Variants in SLC28A3 observed in about 807,000 individuals in gnomAD.
SLC28A3 encodes the protein solute carrier family 28 member 3.
SLC28A3 carries 68 observed loss-of-function variants against 84.2 expected under a neutral mutation model. That is an observed-to-expected ratio of 0.81 (90% CI 0.66 to 0.99). SLC28A3 has a LOEUF of 0.99. Among genes scored for constraint, SLC28A3 ranks in the 50% least tolerant of loss-of-function variants. The probability of loss-of-function intolerance (pLI) is 0.00; values close to 1 mark genes in which losing one functional copy is unlikely to be tolerated. For missense variants in SLC28A3, 712 were observed against 841.5 expected (o/e 0.85, Z 1.90); for synonymous variants, 267 against 303.6 (o/e 0.88, Z 1.25).
the SLC28A3 span, among the ~76,000 whole-genome samples, chr9:84,366,337 G>T: frequency 6.6e-6 from 1 of 151,992 alleles, no homozygotes; most frequent in African/African-American, 2.4e-5. Context: ...CAGCTATTTT[G>T]ATTTTTCTGT....
chr9:84,326,045 G>A (rs1013208622), intron 1 of SLC28A3, among the ~76,000 whole-genome samples: 66 of 152,132 alleles, frequency 4.3e-4, no homozygotes, highest in African/African-American at 1.5e-3. Flanking sequence ...GGCTTTGAGT[G>A]GAAATCGTGT....
chr9:84,318,011 T>C (rs532329225), intron 1 of SLC28A3, among the ~76,000 whole-genome samples: 1 of 152,346 alleles, frequency 6.6e-6, no homozygotes, highest in East Asian at 1.9e-4. Context: ...TCTCTAAATG[T>C]TATTCTTCGA....
intron 10 of SLC28A3, among the ~76,000 whole-genome samples, chr9:84,290,536 A>G (rs1053002670): frequency 1.3e-5 from 2 of 152,140 alleles, no homozygotes; most frequent in Non-Finnish European, 2.9e-5. Flanking sequence ...GCATGCTCAA[A>G]TTTGAGAACC....
intron 5 of SLC28A3, among the ~76,000 whole-genome samples, chr9:84,300,977 A>G (rs965180706): frequency 5.3e-5 from 8 of 152,192 alleles, no homozygotes; most frequent in South Asian, 4.1e-4. Context: ...GTTAAAAAAT[A>G]TCCATGATGC....
the SLC28A3 span, among the ~76,000 whole-genome samples, chr9:84,368,407 G>C: frequency 6.6e-6 from 1 of 152,130 alleles, no homozygotes; most frequent in Non-Finnish European, 1.5e-5. Context: ...CATAGACACA[G>C]TAACAGTCTG....
the SLC28A3 span, among the ~76,000 whole-genome samples, chr9:84,356,640 G>A: frequency 2.6e-5 from 4 of 152,062 alleles, no homozygotes; most frequent in African/African-American, 9.7e-5. Context: ...GACCAGCCAG[G>A]CCAATATGGT....
chr9:84,354,762 G>C, the SLC28A3 span, among the ~76,000 whole-genome samples: 1 of 151,958 alleles, frequency 6.6e-6, no homozygotes, highest in Non-Finnish European at 1.5e-5. Flanking sequence ...TGGGAGGATC[G>C]CTTGAGCCCA....
the SLC28A3 span, among the ~76,000 whole-genome samples, chr9:84,349,685 G>C: frequency 2.0e-5 from 3 of 152,206 alleles, no homozygotes; most frequent in Non-Finnish European, 4.4e-5. Context: ...CTAGGGCTCT[G>C]TCAGTGTTCA....
chr9:84,297,175 G>A, intron 8 of SLC28A3, 46 bp downstream of exon 8: 2 of 1,522,626 alleles, frequency 1.3e-6, no homozygotes. Flanking sequence ...AAAGACAGAA[G>A]CCGCTGAAAT....
chr9:84,356,055 G>C, the SLC28A3 span, among the ~76,000 whole-genome samples: 1 of 152,118 alleles, frequency 6.6e-6, no homozygotes, highest in African/African-American at 2.4e-5. Flanking sequence ...TTGGGCTCAA[G>C]CAATCCGACT....
intron 1 of SLC28A3, among the ~76,000 whole-genome samples, chr9:84,317,005 C>CAACAAA (rs1826192698): frequency 1.3e-5 from 2 of 150,822 alleles, no homozygotes; most frequent in Non-Finnish European, 3.0e-5. Flanking sequence ...CGTCTCAAAA[C>CAACAAA]AACAACAACA....
intron 1 of SLC28A3, among the ~76,000 whole-genome samples, chr9:84,313,917 A>G (rs112904944): frequency 3.2e-4 from 48 of 151,740 alleles, no homozygotes; most frequent in African/African-American, 1.1e-3. Flanking sequence ...GAAACATATG[A>G]CTTTTGCTTT....
At chr9:84,361,650 C>CGAT in the SLC28A3 span, among the ~76,000 whole-genome samples, 1 of 151,984 alleles carries the variant, frequency 6.6e-6, no homozygotes, top group Non-Finnish European at 1.5e-5. Flanking sequence ...CGTGATAAAC[C>CGAT]TATCTTAGAG....
rs1824539231 is a variant in SLC28A3, at chr9:84,276,739, A to G, written c.*1479T>C. ...CTCTGGACATTAGGCCTCCTCCTTC[A>G]CCACCACAAAAAACAAAACACACAA... On this transcript the variant is annotated 3_prime_UTR_variant, in exon 18 of 18. Coordinates refer to ENST00000376238, the MANE Select transcript of SLC28A3 (RefSeq NM_001199633.2). 1 of 152,228 alleles carries G rather than the reference A, an allele frequency of 6.6e-6. No individual in the cohort carries two copies. Among genetic ancestry groups the G allele is most frequent in the African/African-American group, 2.4e-5 (1 of 41,464 alleles). The allele number at this position is 152,228 out of a possible 1,614,324, so 9.4% of individuals were successfully genotyped here. A position where few individuals can be genotyped will look rare whatever the true frequency, so the allele number is the denominator to read the frequency against.
chr9:84,278,406 A>G, intron 17 of SLC28A3, 62 bp from the exon 18 acceptor site: 1 of 1,597,954 alleles, frequency 6.3e-7, no homozygotes, highest in South Asian at 1.1e-5. Flanking sequence ...GTAGGTGAGC[A>G]GACAATGACA....
intron 6 of SLC28A3, 138 bp downstream of exon 6, chr9:84,299,443 C>T (rs1825539354): frequency 9.2e-7 from 1 of 1,082,596 alleles, no homozygotes; most frequent in Non-Finnish European, 1.3e-6. Flanking sequence ...GATAGGGCAC[C>T]CTGGTCACGT....
intron 1 of SLC28A3, among the ~76,000 whole-genome samples, chr9:84,330,659 CT>C (rs1203504982): frequency 6.6e-6 from 1 of 152,082 alleles, no homozygotes; most frequent in African/African-American, 2.4e-5. Flanking sequence ...TTTATGAAAT[CT>C]AAAAACAGAT....
At chr9:84,326,182 A>AT (rs72267577) in intron 1 of SLC28A3, among the ~76,000 whole-genome samples, 3,639 of 149,144 alleles carry the variant, frequency 0.024, 134 homozygotes, top group East Asian at 0.1. Flanking sequence ...TCACCTTTGA[A>AT]TTTTTTTTTT....
At chr9:84,298,712 G>T (rs929224430) in intron 6 of SLC28A3, among the ~76,000 whole-genome samples, 1 of 152,194 alleles carries the variant, frequency 6.6e-6, no homozygotes, top group African/African-American at 2.4e-5. Flanking sequence ...AAAATGGAAA[G>T]GCAGAACATG....
Sources: gnomAD v4.1 joint callset for allele counts (sites outside exome capture counted in the v4.1 genomes callset) on GRCh38, gnomAD v4.1.1 for gene constraint, MANE v1.5 for transcripts, NCBI Gene and HGNC (gene_info 2026-07-23, HGNC 2026-07-21) for gene names.